CDH23: variants seen among roughly 807,000 people sequenced by gnomAD.
CDH23 encodes cadherin related 23.
In CDH23, 189 loss-of-function variants were observed where a neutral mutation model predicts 317.1. The observed-to-expected ratio is 0.60, with a 90% confidence interval of 0.53 to 0.67. The LOEUF is 0.67. Ranked by LOEUF, CDH23 falls within the 30% of genes least tolerant of loss-of-function variation. CDH23 has a pLI of 0.00. For missense variants in CDH23, 4,401 were observed against 4,592.4 expected (o/e 0.96, Z 1.20); for synonymous variants, 1,839 against 1,876.8 (o/e 0.98, Z 0.52).
chr10:71,579,638 G>A (rs1858487703), intron 9 of CDH23, among the ~76,000 whole-genome samples: 2 of 152,158 alleles, frequency 1.3e-5, no homozygotes, highest in Non-Finnish European at 2.9e-5. Context: ...TCAGGTGCAG[G>A]CAGTCTTCAG....
intron 3 of CDH23, among the ~76,000 whole-genome samples, chr10:71,470,017 T>TAA (rs145711849): frequency 1.3e-5 from 2 of 152,024 alleles, no homozygotes; most frequent in Non-Finnish European, 2.9e-5. Flanking sequence ...TTTTTAAAAA[T>TAA]AAAAAAAAAT....
At chr10:71,798,098 G>T (rs1841453301) in intron 49 of CDH23, among the ~76,000 whole-genome samples, 1 of 152,170 alleles carries the variant, frequency 6.6e-6, no homozygotes, top group Non-Finnish European at 1.5e-5. Flanking sequence ...TCATTGAGCA[G>T]TTTAGGAAAC....
intron 38 of CDH23, chr10:71,773,475 G>A (rs1265933880): frequency 7.0e-6 from 11 of 1,560,714 alleles, no homozygotes; most frequent in East Asian, 2.4e-5. Flanking sequence ...TTCTGGTGCC[G>A]GGGAGCGGGC....
In CDH23 at chr10:71,712,691, A is replaced by G; in HGVS notation, c.3247A>G (p.Thr1083Ala). 1 of 1,613,648 alleles carries G rather than the reference A, an allele frequency of 6.2e-7. No individual in the cohort carries two copies. The highest frequency in any genetic ancestry group is 8.5e-7 in the Non-Finnish European group (1 of 1,179,876). The change falls in exon 28 of 70, where the codon ACG becomes GCG. Residue 1083 changes from threonine (T) to alanine (A), a missense_variant. Coordinates refer to ENST00000224721, the MANE Select transcript of CDH23 (RefSeq NM_022124.6). ...CAACGGCCCTGTAGGGAAGCGACAC[A>G]CGGGCACAGCCACCGTGTTCGTCAC... ...IDNGPVGKRH[T>A]GTATVFVTVL... is the part of the protein sequence containing the mutation.
At chr10:71,684,398 C>G (rs1864787187) in intron 18 of CDH23, among the ~76,000 whole-genome samples, 1 of 152,198 alleles carries the variant, frequency 6.6e-6, no homozygotes, top group Admixed American at 6.5e-5. Context: ...GCTGGGCCCC[C>G]AGTAGGACAG....
At chr10:71,476,827 C>G (rs1851817904) in intron 3 of CDH23, among the ~76,000 whole-genome samples, 1 of 152,186 alleles carries the variant, frequency 6.6e-6, no homozygotes, top group Non-Finnish European at 1.5e-5. Flanking sequence ...CTCCTGCTCC[C>G]AGCCGGACAC....
At chr10:71,521,953 C>T (rs1018728506) in intron 6 of CDH23, among the ~76,000 whole-genome samples, 4 of 152,226 alleles carry the variant, frequency 2.6e-5, no homozygotes, top group African/African-American at 9.6e-5. Context: ...AAGACAAGTG[C>T]AGCTCAACCC....
intron 22 of CDH23, 116 bp from the exon 23 acceptor site, chr10:71,701,906 C>T: frequency 9.0e-7 from 1 of 1,115,354 alleles, no homozygotes; most frequent in Non-Finnish European, 1.3e-6. Context: ...CTTCCTGGGC[C>T]AGAGCCAGGA....
At chr10:71,736,839 G>A (rs1306189864) in intron 34 of CDH23, among the ~76,000 whole-genome samples, 1 of 152,188 alleles carries the variant, frequency 6.6e-6, no homozygotes, top group African/African-American at 2.4e-5. Context: ...GATCACAGCA[G>A]TAAATGTATG....
At chr10:71,773,457 A>G (rs757981626) in intron 38 of CDH23, 2 of 1,580,752 alleles carry the variant, frequency 1.3e-6, no homozygotes, top group African/African-American at 2.7e-5. Flanking sequence ...TCGGACGCGC[A>G]GAGGAACTTC....
At chr10:71,413,355 GT>G (rs1243221334) in intron 1 of CDH23, among the ~76,000 whole-genome samples, 2 of 152,146 alleles carry the variant, frequency 1.3e-5, no homozygotes, top group African/African-American at 4.8e-5. Flanking sequence ...CTTTATGTAA[GT>G]TCCACCTTTT....
intron 38 of CDH23, among the ~76,000 whole-genome samples, chr10:71,746,600 G>T (rs971762247): frequency 1.3e-5 from 2 of 152,204 alleles, no homozygotes; most frequent in African/African-American, 4.8e-5. Flanking sequence ...TGTCAGGGAG[G>T]CCCCTGCAAA....
chr10:71,502,490 G>C (rs1160798918), intron 3 of CDH23, among the ~76,000 whole-genome samples: 3 of 152,192 alleles, frequency 2.0e-5, no homozygotes, highest in Non-Finnish European at 4.4e-5. Context: ...AAGAGGAGAA[G>C]GAAGATTTGC....
At chr10:71,760,560 C>G (rs929851518) in intron 38 of CDH23, 2 of 286,912 alleles carry the variant, frequency 7.0e-6, no homozygotes. Context: ...GGCAGGGCGG[C>G]ACTTAGCTGC....
chr10:71,419,652 T>A (rs1386875634), intron 1 of CDH23, among the ~76,000 whole-genome samples: 1 of 151,978 alleles, frequency 6.6e-6, no homozygotes, highest in Non-Finnish European at 1.5e-5. Flanking sequence ...TACATTTTGT[T>A]ACATTTCCTT....
intron 3 of CDH23, among the ~76,000 whole-genome samples, chr10:71,497,677 C>T (rs932062221): frequency 1.3e-5 from 2 of 152,162 alleles, no homozygotes; most frequent in Non-Finnish European, 2.9e-5. Context: ...AAAACAGAGC[C>T]TTAATATCGT....
chr10:71,615,603 TC>T lies in CDH23; in HGVS notation c.934del (p.Leu312Ter), dbSNP rs1861138703. 1.9e-6 allele frequency: 3 copies of T among 1,613,356 alleles called. No homozygotes were observed. Among genetic ancestry groups the T allele is most frequent in the Non-Finnish European group, 2.5e-6 (3 of 1,179,446 alleles). On this transcript the variant is annotated frameshift_variant, in exon 10 of 70. Transcript: ENST00000224721. LOFTEE classifies it high-confidence loss of function. Reference protein sequence around the residue: ...RENPLYSHGFILTVKGTELND... With the variant: ...RENPLYSHGFXLTVKGTELND... ...AACCCCCTGTACAGCCATGGCTTCATCCTGACTGTGAAGGTGAGACCTGGGT... is the reference window on the plus strand; with the variant it reads ...AACCCCCTGTACAGCCATGGCTTCATCTGACTGTGAAGGTGAGACCTGGGT...
chr10:71,642,316 A>G (rs1281836996), intron 11 of CDH23, among the ~76,000 whole-genome samples: 1 of 151,574 alleles, frequency 6.6e-6, no homozygotes, highest in Non-Finnish European at 1.5e-5. Context: ...CGCATCAGAC[A>G]TGAGCTCCAC....
At chr10:71,428,778 C>T (rs546879383) in intron 1 of CDH23, among the ~76,000 whole-genome samples, 3 of 151,790 alleles carry the variant, frequency 2.0e-5, no homozygotes, top group Middle Eastern at 3.4e-3. Context: ...TTAGTAGAGA[C>T]GGGTTTTTAC....
Sources: allele counts gnomAD v4.1 joint callset (sites outside exome capture counted in the v4.1 genomes callset), GRCh38; gene constraint gnomAD v4.1.1; transcripts MANE v1.5; gene names NCBI Gene and HGNC (gene_info 2026-07-23, HGNC 2026-07-21).